The following NTM variants were observed in gnomAD, a reference collection of about 807,000 sequenced individuals.
NTM encodes neurotrimin, also known as IgLON family member 2.
A neutral mutation model predicts 42.1 loss-of-function variants in NTM; 13 were observed. That is an observed-to-expected ratio of 0.31 (90% confidence interval 0.20 to 0.49). The LOEUF (loss-of-function observed/expected upper bound fraction) is 0.49, where lower values mean the gene tolerates loss of function less well. Among genes scored for constraint, NTM ranks in the 20% least tolerant of loss-of-function variants. NTM has a pLI of 0.99. For synonymous variants in NTM, 187 were observed against 179.2 expected (o/e 1.04, Z -0.35); for missense variants, 373 against 452.8 (o/e 0.82, Z 1.60).
chr11:131,517,021 A>T (rs2048978697), intron 1 of NTM, among the ~76,000 whole-genome samples: 1 of 152,182 alleles, frequency 6.6e-6, no homozygotes, highest in African/African-American at 2.4e-5. Flanking sequence ...CACCAATGGG[A>T]GTGGCTCTAG....
At chr11:131,616,115 G>A (rs2061906952) in intron 1 of NTM, among the ~76,000 whole-genome samples, 1 of 152,220 alleles carries the variant, frequency 6.6e-6, no homozygotes, top group Non-Finnish European at 1.5e-5. Flanking sequence ...CAATTGCATG[G>A]ACTCTTTCAT....
intron 3 of NTM, among the ~76,000 whole-genome samples, chr11:132,178,978 C>T (rs528484478): frequency 2.0e-5 from 3 of 152,102 alleles, no homozygotes; most frequent in African/African-American, 2.4e-5. Flanking sequence ...ATTAAGTAAG[C>T]GGGATTTACT....
At chr11:131,491,736 G>GA (rs1954818630) in intron 1 of NTM, among the ~76,000 whole-genome samples, 1 of 152,164 alleles carries the variant, frequency 6.6e-6, no homozygotes. Context: ...ACCAGAGCGA[G>GA]ATAAGACAAG....
intron 3 of NTM, among the ~76,000 whole-genome samples, chr11:132,201,225 C>T (rs943150599): frequency 2.0e-5 from 3 of 152,188 alleles, no homozygotes; most frequent in African/African-American, 4.8e-5. Context: ...TTTTCTAAGC[C>T]TAATGGAATG....
chr11:131,515,580 A>G (rs141845921), intron 1 of NTM, among the ~76,000 whole-genome samples: 8 of 152,340 alleles, frequency 5.3e-5, no homozygotes, highest in Non-Finnish European at 1.2e-4. Context: ...ACATGGGTTC[A>G]AGGCGAGAAT....
At chr11:131,554,373 A>G (rs977406796) in intron 1 of NTM, among the ~76,000 whole-genome samples, 5 of 152,200 alleles carry the variant, frequency 3.3e-5, no homozygotes, top group African/African-American at 1.2e-4. Context: ...CTCCTCCAAT[A>G]TTTAGTGGCA....
intron 1 of NTM, among the ~76,000 whole-genome samples, chr11:131,590,542 TCCC>T (rs2059272379): frequency 6.6e-6 from 1 of 152,188 alleles, no homozygotes; most frequent in Non-Finnish European, 1.5e-5. Flanking sequence ...AAGCCAGGTG[TCCC>T]CTGCACGACA....
intron 2 of NTM, among the ~76,000 whole-genome samples, chr11:132,121,741 C>T (rs989656612): frequency 2.6e-5 from 4 of 152,278 alleles, no homozygotes; most frequent in Non-Finnish European, 5.9e-5. Flanking sequence ...CCCCCTCTCT[C>T]GAACCAGCCT....
intron 2 of NTM, chr11:131,984,367 A>G (rs897051570): frequency 2.6e-5 from 4 of 152,220 alleles, no homozygotes; most frequent in African/African-American, 9.7e-5. Context: ...TATTTGGAAA[A>G]TGGAAGCATT....
chr11:132,300,789 G>C (rs975823470), intron 4 of NTM, among the ~76,000 whole-genome samples: 5 of 152,174 alleles, frequency 3.3e-5, no homozygotes, highest in African/African-American at 1.2e-4. Flanking sequence ...CTCAGAACTG[G>C]CTCTGGTATT....
At chr11:132,267,468 G>A (rs2093255832) in intron 4 of NTM, among the ~76,000 whole-genome samples, 1 of 123,056 alleles carries the variant, frequency 8.1e-6, no homozygotes, top group Non-Finnish European at 1.6e-5. Flanking sequence ...CTTATCTTGG[G>A]TTCTTGGATG....
chr11:132,254,333 CTG>C (rs140155192), intron 4 of NTM, among the ~76,000 whole-genome samples: 3,397 of 152,120 alleles, frequency 0.022, 66 homozygotes, highest in South Asian at 0.054. Context: ...CCTATTATTT[CTG>C]TGATTCCTCT....
intron 1 of NTM, among the ~76,000 whole-genome samples, chr11:131,604,537 A>G (rs1289275974): frequency 6.6e-6 from 1 of 152,144 alleles, no homozygotes. Context: ...ATGAGATTCA[A>G]TTAATCTAGG....
intron 2 of NTM, among the ~76,000 whole-genome samples, chr11:131,983,316 T>C (rs2065550922): frequency 6.7e-6 from 1 of 149,192 alleles, no homozygotes; most frequent in South Asian, 2.1e-4. Flanking sequence ...TTATTAAAAA[T>C]AAAAACATAA....
At chr11:131,742,430 G>T (rs1395134296) in intron 1 of NTM, among the ~76,000 whole-genome samples, 4 of 151,940 alleles carry the variant, frequency 2.6e-5, no homozygotes, top group Non-Finnish European at 5.9e-5. Context: ...CTATAAAAAT[G>T]ACTTTTTTTT....
At chr11:132,006,478 T>C (rs548376451) in intron 2 of NTM, among the ~76,000 whole-genome samples, 2 of 152,322 alleles carry the variant, frequency 1.3e-5, no homozygotes, top group South Asian at 4.1e-4. Context: ...TTGAAATAGA[T>C]TAAAGGCTTT....
intron 1 of NTM, among the ~76,000 whole-genome samples, chr11:131,518,998 TAAAC>T (rs1272911471): frequency 6.6e-6 from 1 of 152,234 alleles, no homozygotes; most frequent in Non-Finnish European, 1.5e-5. Context: ...GAAGTATCAA[TAAAC>T]AAACTATAAT....
chr11:132,105,968 G>C (rs1265919315), intron 2 of NTM, among the ~76,000 whole-genome samples: 1 of 152,192 alleles, frequency 6.6e-6, no homozygotes, highest in Non-Finnish European at 1.5e-5. Flanking sequence ...TGTAATCCCA[G>C]GCCCAGCTCA....
intron 1 of NTM, among the ~76,000 whole-genome samples, chr11:131,623,883 G>T (rs1391554147): frequency 6.6e-6 from 1 of 152,216 alleles, no homozygotes; most frequent in Non-Finnish European, 1.5e-5. Context: ...AAACCTCGGG[G>T]CTGCCGTAGC....
Sources: gnomAD v4.1 joint callset for allele counts (sites outside exome capture counted in the v4.1 genomes callset) on GRCh38, gnomAD v4.1.1 for gene constraint, MANE v1.5 for transcripts, NCBI Gene and HGNC (gene_info 2026-07-23, HGNC 2026-07-21) for gene names.